The following PDXDC1 variants were observed in gnomAD, a reference collection of about 807,000 sequenced individuals.
PDXDC1 encodes the protein pyridoxal dependent decarboxylase domain containing 1.
PDXDC1 carries 42 observed loss-of-function variants against 100.1 expected under a neutral mutation model. The ratio of observed to expected loss-of-function variants is 0.42; its 90% CI spans 0.33 to 0.54. PDXDC1 has a LOEUF of 0.54. Ranked by LOEUF, PDXDC1 falls within the 20% of genes least tolerant of loss-of-function variation. The pLI is 0.10. For missense variants in PDXDC1, 636 were observed against 979.2 expected, an observed-to-expected ratio of 0.65 and a Z score of 4.68; for synonymous variants, 260 against 371.7, an observed-to-expected ratio of 0.70 and a Z score of 3.46.
chr16:15,122,737 C>T (rs1262488834), intron 16 of PDXDC1, among the ~76,000 whole-genome samples: 1 of 147,580 alleles, frequency 6.8e-6, no homozygotes, highest in Admixed American at 6.8e-5. Flanking sequence ...TTCAGGGCGC[C>T]CGGAGGTGGC....
downstream of PDXDC1, among the ~76,000 whole-genome samples, chr16:15,143,773 A>C (rs1567331977): frequency 2.0e-5 from 3 of 152,188 alleles, no homozygotes; most frequent in Non-Finnish European, 4.4e-5. Flanking sequence ...GCCCCAGACA[A>C]ACCAGACCTG....
intron 16 of PDXDC1, chr16:15,137,659 C>A (rs866095468): frequency 2.1e-4 from 259 of 1,263,330 alleles, no homozygotes; most frequent in South Asian, 5.5e-4. Context: ...GAGCCCCCCC[C>A]CAGAGAGGCC....
intron 6 of PDXDC1, among the ~76,000 whole-genome samples, chr16:15,007,406 C>T (rs2040875578): frequency 6.6e-6 from 1 of 152,106 alleles, no homozygotes; most frequent in Non-Finnish European, 1.5e-5. Flanking sequence ...GATCTCCTGG[C>T]CTCGTGATCT....
At chr16:15,061,352 C>G (rs111343819) in intron 16 of PDXDC1, 2,398 of 191,014 alleles carry the variant, frequency 0.013, 16 homozygotes, top group Middle Eastern at 0.038. Context: ...CAGTCAAGTC[C>G]TAAGACCATG....
Position 15,091,364 on chromosome 16 carries a change from G to C in PDXDC1, c.1400-47515G>C. 4 of 1,588,654 alleles carry C rather than the reference G, an allele frequency of 2.5e-6. No individual in the cohort carries two copies. The highest frequency in any genetic ancestry group is 2.3e-4 in the Middle Eastern group (1 of 4,390). On this transcript the variant is annotated intron_variant, in intron 16 of 16. Transcript: ENST00000535621. Reference sequence around the variant, plus strand: ...GTTCTTCAACAACTCAAAGTCATTTGTTTCACCCTTAACAAGAAGGGGAAA... The same window carrying C: ...GTTCTTCAACAACTCAAAGTCATTTCTTTCACCCTTAACAAGAAGGGGAAA...
downstream of PDXDC1, among the ~76,000 whole-genome samples, chr16:15,142,408 A>G (rs1014069787): frequency 6.6e-5 from 10 of 152,038 alleles, no homozygotes; most frequent in Non-Finnish European, 1.3e-4. Context: ...AAGGCCCACA[A>G]ATGCAGCAAG....
intron 16 of PDXDC1, chr16:15,086,267 G>A (rs1330251316): frequency 6.4e-7 from 1 of 1,553,070 alleles, no homozygotes; most frequent in African/African-American, 1.4e-5. Context: ...CTCTAGAGTG[G>A]GGGAAGAAAG....
rs2042779938 is a variant in PDXDC1 at position 15,028,282 on chromosome 16, T to G, written c.1205-596T>G. Among the ~76,000 whole-genome samples, 3 of 152,406 alleles carry G rather than the reference T, an allele frequency of 2.0e-5. No individual in the cohort carries two copies. In the South Asian group the frequency reaches 6.2e-4, roughly 32 times the overall value. ...CACATTTCTCTCTTCTGGTGCCAGC[T>G]CCTCCTCACCATTTCGGTCTCCACT... On this transcript the variant is annotated intron_variant, in intron 14 of 22. Transcript: ENST00000396410.
At chr16:14,989,450 C>T (rs1970186743) in intron 1 of PDXDC1, 3 of 1,608,786 alleles carry the variant, frequency 1.9e-6, no homozygotes. Context: ...CTCCGACCTT[C>T]TCCAGGGTAC....
intron 13 of PDXDC1, among the ~76,000 whole-genome samples, chr16:15,024,469 C>T (rs1290729783): frequency 6.0e-5 from 9 of 148,842 alleles, no homozygotes; most frequent in South Asian, 2.1e-4. Flanking sequence ...TGCAGTGGTG[C>T]GATCTTGGCT....
intron 1 of PDXDC1, among the ~76,000 whole-genome samples, chr16:14,991,669 C>G (rs1970875794): frequency 6.6e-6 from 1 of 152,234 alleles, no homozygotes; most frequent in South Asian, 2.1e-4. Context: ...GAGGCATGCA[C>G]TACCATGCCC....
intron 16 of PDXDC1, chr16:15,065,489 T>C: frequency 1.3e-6 from 1 of 748,428 alleles, no homozygotes; most frequent in Non-Finnish European, 2.2e-6. Flanking sequence ...ATATAACAAG[T>C]GCTAGTAAAA....
chr16:15,101,910 G>T (rs752160762), intron 16 of PDXDC1, among the ~76,000 whole-genome samples: 4 of 151,660 alleles, frequency 2.6e-5, no homozygotes, highest in African/African-American at 9.7e-5. Flanking sequence ...CTGCAATGGC[G>T]TGATCTTGGC....
At chr16:14,992,482 CAG>C (rs573247105) in intron 1 of PDXDC1, among the ~76,000 whole-genome samples, 29 of 152,288 alleles carry the variant, frequency 1.9e-4, no homozygotes, top group South Asian at 6.2e-4. Context: ...CCAGCTGACT[CAG>C]GGGTGAAGAT....
At chr16:15,040,202 C>A (rs544269052), downstream of PDXDC1, 23 of 470,380 alleles carry the variant, frequency 4.9e-5, no homozygotes, top group South Asian at 8.4e-4. Flanking sequence ...TCTGGACTTC[C>A]CCCTCCCTGG....
At chr16:15,127,845 G>A (rs1174159764) in intron 16 of PDXDC1, 71 of 1,564,766 alleles carry the variant, frequency 4.5e-5, no homozygotes, top group African/African-American at 2.9e-4. Context: ...CAAAGAAGCC[G>A]CACTGCAGCT....
intron 16 of PDXDC1, chr16:15,068,098 C>T: frequency 2.7e-6 from 4 of 1,501,508 alleles, no homozygotes; most frequent in Non-Finnish European, 2.7e-6. Context: ...ATTTAACACT[C>T]TTACAATACT....
chr16:15,130,543 C>T (rs1010495939), intron 16 of PDXDC1: 102 of 1,335,938 alleles, frequency 7.6e-5, no homozygotes, highest in South Asian at 3.1e-4. Context: ...CCAGTCCCCT[C>T]GCTGCCTGCC....
In PDXDC1 at chr16:15,035,473, T is replaced by C; in HGVS notation, c.2027T>C (p.Ile676Thr). 6.2e-7 allele frequency: 1 copy of C among 1,611,038 alleles called. No individual in the cohort carries two copies. The highest frequency in any genetic ancestry group is 1.9e-4 in the Middle Eastern group (1 of 5,324). ...TAGSLESTEP[I>T]YVYKAQGAGV... Reference sequence around the variant, plus strand: ...GGCTCTCTGGAGTCCACAGAACCCATATATGTCTACAAAGCACAAGGTGCA... The same window carrying C: ...GGCTCTCTGGAGTCCACAGAACCCACATATGTCTACAAAGCACAAGGTGCA... Residue 676 changes from isoleucine (I) to threonine (T), a missense_variant, in exon 22 of 23, where the codon ATA becomes ACA. Physicochemically the swap from Ile to Thr is moderately conservative, Grantham distance 89. Around this residue, in one of 4 missense-constraint regions of PDXDC1, gnomAD observed 452 missense variants for 402.9 expected, o/e 1.12. Coordinates refer to ENST00000396410, the MANE Select transcript of PDXDC1 (RefSeq NM_015027.4).
Sources: allele counts gnomAD v4.1 joint callset (sites outside exome capture counted in the v4.1 genomes callset), GRCh38; gene constraint gnomAD v4.1.1; regional missense constraint gnomAD v4.1.1; transcripts MANE v1.5; gene names NCBI Gene and HGNC (gene_info 2026-07-23, HGNC 2026-07-21).